The following MSN variants were observed in gnomAD, a reference collection of about 807,000 sequenced individuals.
MSN encodes epididymis luminal protein 70.
MSN carries 2 observed loss-of-function variants against 48.0 expected under a neutral mutation model. The ratio of observed to expected loss-of-function variants is 0.04; its 90% CI spans 0.02 to 0.13. MSN has a LOEUF of 0.13. Ranked by LOEUF, MSN falls within the 10% of genes least tolerant of loss-of-function variation. The pLI is 1.00. For missense variants in MSN, 267 were observed against 470.1 expected (o/e 0.57, Z 3.99); for synonymous variants, 146 against 166.9 (o/e 0.87, Z 0.97).
intron 1 of MSN, among the ~76,000 whole-genome samples, chrX:65,639,882 C>T (rs1351067955): frequency 8.9e-6 from 1 of 111,838 alleles, no homozygotes; most frequent in Non-Finnish European, 1.9e-5. Context: ...ACAGGACTTA[C>T]TGTTTGCCAG....
Position 65,731,980 on chromosome X carries a change from G to A in MSN, c.694G>A (p.Asp232Asn). 1 of 1,208,154 alleles carries A rather than the reference G, an allele frequency of 8.3e-7. No homozygotes were observed. The highest frequency in any genetic ancestry group is 1.1e-6 in the Non-Finnish European group (1 of 893,759). ...ALGLNIYEQN[D>N]RLTPKIGFPW... ...GGGTCTCAACATCTATGAGCAGAAT[G>A]ACAGGTATATCTCAGATCTCTTTTA... The change falls in exon 6 of 13, where the codon GAC becomes AAC. Residue 232 changes from aspartate to asparagine, a missense_variant. Transcript: ENST00000360270.
At chrX:65,605,302 C>A (rs962065803) in intron 1 of MSN, among the ~76,000 whole-genome samples, 1 of 112,371 alleles carries the variant, frequency 8.9e-6, no homozygotes, top group African/African-American at 3.2e-5. Flanking sequence ...TAAGCGTTAG[C>A]TTTGCCTCCT....
chrX:65,591,103 G>T (rs919597241), intron 1 of MSN, among the ~76,000 whole-genome samples: 1 of 111,358 alleles, frequency 9.0e-6, no homozygotes, highest in Admixed American at 9.6e-5. Context: ...AAGCTGGTTC[G>T]TCTCCTGGGC....
chrX:65,711,140 C>G (rs757372030), intron 1 of MSN, among the ~76,000 whole-genome samples: 5 of 111,640 alleles, frequency 4.5e-5, no homozygotes, highest in Non-Finnish European at 9.4e-5. Flanking sequence ...CTTGCTGCAA[C>G]CTCCGCCTCC....
chrX:65,615,386 T>G (rs2070360508), intron 1 of MSN, among the ~76,000 whole-genome samples: 2 of 109,746 alleles, frequency 1.8e-5, no homozygotes, highest in African/African-American at 3.5e-5. Flanking sequence ...GACTTTTTAA[T>G]GATTGCCATT....
intron 1 of MSN, among the ~76,000 whole-genome samples, chrX:65,698,419 A>C (rs960142666): frequency 8.9e-6 from 1 of 112,143 alleles, no homozygotes; most frequent in Non-Finnish European, 1.9e-5. Context: ...ACTTTTGCTA[A>C]GCTTTATTGG....
At chrX:65,612,153 T>C (rs998720745) in intron 1 of MSN, among the ~76,000 whole-genome samples, 1 of 111,376 alleles carries the variant, frequency 9.0e-6, no homozygotes, top group African/African-American at 3.3e-5. Context: ...GAGAGGTGAT[T>C]AGGTCATGAA....
intron 1 of MSN, among the ~76,000 whole-genome samples, chrX:65,635,330 C>T (rs758586999): frequency 1.1e-4 from 12 of 111,043 alleles, no homozygotes; most frequent in Non-Finnish European, 1.9e-4. Context: ...TTTTCTTTCC[C>T]ATCCCAGAGC....
chrX:65,724,332 C>T (rs1298671527), intron 2 of MSN, among the ~76,000 whole-genome samples: 10 of 111,026 alleles, frequency 9.0e-5, no homozygotes, highest in Admixed American at 5.7e-4. Flanking sequence ...TTAGTAGAGA[C>T]GGGGTTTCAC....
At chrX:65,630,549 G>A (rs953481348) in intron 1 of MSN, among the ~76,000 whole-genome samples, 5 of 109,686 alleles carry the variant, frequency 4.6e-5, no homozygotes, top group Admixed American at 9.7e-5. Context: ...TGATCGTGCC[G>A]CTGCATTCCA....
chrX:65,726,183 CAA>C (rs770184772), intron 2 of MSN, among the ~76,000 whole-genome samples: 4 of 111,243 alleles, frequency 3.6e-5, no homozygotes, highest in Non-Finnish European at 7.5e-5. Flanking sequence ...CAGAAGTGAT[CAA>C]AGTTTATTAC....
At chrX:65,653,584 A>AAC (rs1256719110) in intron 1 of MSN, among the ~76,000 whole-genome samples, 1 of 109,757 alleles carries the variant, frequency 9.1e-6, no homozygotes, top group African/African-American at 3.3e-5. Flanking sequence ...TAGGCCGAAC[A>AAC]ACACACACAC....
rs1344160508 is a variant in MSN at position 65,737,823 on chromosome X, C to T, written c.1251+485C>T. On this transcript the variant is annotated intron_variant, in intron 10 of 12. Transcript: ENST00000360270. Reference sequence around the variant, plus strand: ...AAGGATTAGAACCCACCCATTTCTGCCTCTGTTTGAAAGCTTTGCTCCCTG... The same window carrying T: ...AAGGATTAGAACCCACCCATTTCTGTCTCTGTTTGAAAGCTTTGCTCCCTG... 3.6e-5 allele frequency among the ~76,000 whole-genome samples: 4 copies of T among 112,195 alleles called. No homozygotes were observed. The East Asian group carries it at 8.4e-4, about 24-fold the overall frequency.
intron 1 of MSN, among the ~76,000 whole-genome samples, chrX:65,694,528 A>G (rs905417305): frequency 9.2e-6 from 1 of 109,192 alleles, no homozygotes; most frequent in Non-Finnish European, 1.9e-5. Context: ...GGGTTTCACC[A>G]TGTTGTCCAG....
intron 1 of MSN, among the ~76,000 whole-genome samples, chrX:65,635,223 TTC>T (rs1023371056): frequency 9.0e-6 from 1 of 111,349 alleles, no homozygotes; most frequent in African/African-American, 3.3e-5. Context: ...TTGTCTTTTC[TTC>T]TCTCTCTTAC....
chrX:65,632,605 T>C (rs1314272861), intron 1 of MSN, among the ~76,000 whole-genome samples: 1 of 112,256 alleles, frequency 8.9e-6, no homozygotes, highest in African/African-American at 3.2e-5. Context: ...TCCTTAAATT[T>C]CTTCACATCG....
At chrX:65,629,905 G>C (rs561468622) in intron 1 of MSN, among the ~76,000 whole-genome samples, 1 of 111,704 alleles carries the variant, frequency 9.0e-6, no homozygotes, top group African/African-American at 3.3e-5. Context: ...TCACTCAGGC[G>C]AGGTGGCTCA....
At chrX:65,649,400 TA>T (rs1162390207) in intron 1 of MSN, among the ~76,000 whole-genome samples, 3,092 of 74,351 alleles carry the variant, frequency 0.042, 152 homozygotes, top group African/African-American at 0.13. Context: ...CCATCTCTAC[TA>T]AAAAAAAAAA....
chrX:65,730,393 C>A (rs894339872), intron 4 of MSN, among the ~76,000 whole-genome samples: 3 of 111,469 alleles, frequency 2.7e-5, no homozygotes, highest in Non-Finnish European at 3.8e-5. Context: ...TCCTACTATA[C>A]CCAATGGCCA....
Sources: gnomAD v4.1 joint callset for allele counts (sites outside exome capture counted in the v4.1 genomes callset) on GRCh38, gnomAD v4.1.1 for gene constraint, MANE v1.5 for transcripts, NCBI Gene and HGNC (gene_info 2026-07-23, HGNC 2026-07-21) for gene names.